The following GTF2A2 variants were observed in gnomAD, a reference collection of about 807,000 sequenced individuals.
GTF2A2 encodes the protein general transcription factor IIA subunit 2.
In GTF2A2, 9 loss-of-function variants were observed where a neutral mutation model predicts 14.3. The ratio of observed to expected loss-of-function variants is 0.63; its 90% CI spans 0.38 to 1.10. GTF2A2 has a LOEUF of 1.10. Among genes scored for constraint, GTF2A2 ranks in the 50% least tolerant of loss-of-function variants. The pLI is 0.01. For synonymous variants in GTF2A2, 56 were observed against 46.0 expected, an observed-to-expected ratio of 1.22 and a Z score of -0.88; for missense variants, 90 against 124.6, an observed-to-expected ratio of 0.72 and a Z score of 1.32.
chr15:59,649,616 C>G (rs1260504104), intron 3 of GTF2A2, among the ~76,000 whole-genome samples: 6 of 152,160 alleles, frequency 3.9e-5, no homozygotes, highest in Non-Finnish European at 7.3e-5. Context: ...TCAAATTATA[C>G]AGTCTTGAAG....
chr15:59,652,387 A>G, intron 1 of GTF2A2, 61 bp from the exon 2 acceptor site: 1 of 623,172 alleles, frequency 1.6e-6, no homozygotes, highest in Non-Finnish European at 2.8e-6. Flanking sequence ...AATTATGTAT[A>G]TAATATCATC....
chr15:59,638,515 G>C lies in GTF2A2; in HGVS notation c.*617C>G, dbSNP rs1891259232. The C allele has an allele frequency of 6.6e-6, 1 of 152,148 alleles. No individual in the cohort carries two copies. The highest frequency in any genetic ancestry group is 2.4e-5 in the African/African-American group (1 of 41,372). 9.4% of individuals were successfully genotyped at this position (152,148 alleles called of 1,614,324 possible). A position where few individuals can be genotyped will look rare whatever the true frequency, so the allele number is the denominator to read the frequency against. Reference sequence around the variant, plus strand: ...GTCATGTGGGGGGACTATTTTGTTTGGGTTTTTTTCCCCCTTCCTCATGTT... The same window carrying C: ...GTCATGTGGGGGGACTATTTTGTTTCGGTTTTTTTCCCCCTTCCTCATGTT... On this transcript the variant is annotated 3_prime_UTR_variant, in exon 5 of 5. Coordinates refer to ENST00000396060, the MANE Select transcript of GTF2A2 (RefSeq NM_004492.3).
At chr15:59,657,325 C>T (rs1416294586) in intron 1 of GTF2A2, 81 bp downstream of exon 1, 1 of 152,492 alleles carries the variant, frequency 6.6e-6, no homozygotes, top group African/African-American at 2.4e-5. Context: ...GACTACCCCA[C>T]CAACGCACTC....
At chr15:59,645,665 A>C (rs980543220) in intron 3 of GTF2A2, among the ~76,000 whole-genome samples, 5 of 152,148 alleles carry the variant, frequency 3.3e-5, no homozygotes, top group Non-Finnish European at 7.3e-5. Context: ...ACCTCTGGAA[A>C]GCTAAACAGC....
intron 3 of GTF2A2, among the ~76,000 whole-genome samples, chr15:59,646,808 TA>T (rs1333113084): frequency 1.3e-5 from 2 of 152,166 alleles, no homozygotes; most frequent in Non-Finnish European, 2.9e-5. Context: ...CAAATGTTTT[TA>T]AAAAGGTAAA....
chr15:59,656,263 C>CAAA (rs1891939727), intron 1 of GTF2A2, among the ~76,000 whole-genome samples: 1 of 152,198 alleles, frequency 6.6e-6, no homozygotes, highest in African/African-American at 2.4e-5. Context: ...GCTTTCCTAT[C>CAAA]TGCCTGAATG....
intron 3 of GTF2A2, among the ~76,000 whole-genome samples, chr15:59,648,806 C>T (rs1371771192): frequency 2.0e-5 from 3 of 151,946 alleles, no homozygotes; most frequent in South Asian, 2.1e-4. Context: ...TGGTGGCGGG[C>T]ACCTGTAGTC....
At chr15:59,655,522 C>G (rs1350115959) in intron 1 of GTF2A2, among the ~76,000 whole-genome samples, 4 of 152,214 alleles carry the variant, frequency 2.6e-5, no homozygotes, top group Non-Finnish European at 5.9e-5. Flanking sequence ...TTCGGATTGT[C>G]CTAACTCACA....
intron 4 of GTF2A2, 42 bp from the exon 5 acceptor site, chr15:59,639,199 A>G: frequency 8.2e-7 from 1 of 1,212,154 alleles, no homozygotes; most frequent in African/African-American, 1.5e-5. Flanking sequence ...AAATTCAAGG[A>G]GCAATTTAAT....
chr15:59,649,426 T>C (rs1292547575), intron 3 of GTF2A2, among the ~76,000 whole-genome samples: 1 of 152,220 alleles, frequency 6.6e-6, no homozygotes, highest in Non-Finnish European at 1.5e-5. Context: ...ACCTAGAGGA[T>C]GACTAGTTAG....
intron 4 of GTF2A2, among the ~76,000 whole-genome samples, chr15:59,641,356 A>AGTCGGAT (rs1891419780): frequency 2.0e-5 from 3 of 152,060 alleles, no homozygotes; most frequent in Non-Finnish European, 4.4e-5. Flanking sequence ...TCAGTGATTG[A>AGTCGGAT]TTGATTAGCT....
At chr15:59,642,538 G>A (rs993266733) in intron 3 of GTF2A2, among the ~76,000 whole-genome samples, 1 of 152,138 alleles carries the variant, frequency 6.6e-6, no homozygotes, top group Non-Finnish European at 1.5e-5. Flanking sequence ...ACTTGCGTTT[G>A]TATTTCTATT....
rs904478537 is a variant in GTF2A2, at chr15:59,639,122, T to G, written c.*10A>C. 7.8e-6 allele frequency: 11 copies of G among 1,415,206 alleles called. No individual in the cohort carries two copies. In the African/African-American group the frequency reaches 1.4e-4, roughly 18 times the overall value. 87.7% of individuals were successfully genotyped at this position (1,415,206 alleles called of 1,614,324 possible). A position where few individuals can be genotyped will look rare whatever the true frequency, so the allele number is the denominator to read the frequency against. On this transcript the variant is annotated 3_prime_UTR_variant, in exon 5 of 5. Transcript: ENST00000396060. Reference sequence around the variant, plus strand: ...CAGAAGATGGTGTAAAAAAGTCATATTTTTTCTATTCATTCTGTAGTATTG... The same window carrying G: ...CAGAAGATGGTGTAAAAAAGTCATAGTTTTTCTATTCATTCTGTAGTATTG...
At chr15:59,639,353 C>A (rs1335280858) in intron 4 of GTF2A2, among the ~76,000 whole-genome samples, 196 bp from the exon 5 acceptor site, 1 of 152,038 alleles carries the variant, frequency 6.6e-6, no homozygotes, top group Non-Finnish European at 1.5e-5. Flanking sequence ...AGCAGAGATA[C>A]AAAGATGCTT....
chr15:59,652,627 T>C (rs1401475731), intron 1 of GTF2A2, among the ~76,000 whole-genome samples: 3 of 152,204 alleles, frequency 2.0e-5, no homozygotes, highest in African/African-American at 4.8e-5. Context: ...GAATTTTCCA[T>C]GTACTGTCCT....
chr15:59,647,259 CT>C, intron 3 of GTF2A2, among the ~76,000 whole-genome samples: 1 of 151,888 alleles, frequency 6.6e-6, no homozygotes, highest in African/African-American at 2.4e-5. Context: ...CACCCAGCTA[CT>C]TTGTTTGTTT....
At chr15:59,640,721 AATAT>A (rs1891388841) in intron 4 of GTF2A2, among the ~76,000 whole-genome samples, 1 of 151,596 alleles carries the variant, frequency 6.6e-6, no homozygotes, top group African/African-American at 2.4e-5. Context: ...AATAAAAATA[AATAT>A]AACAAGGGTT....
chr15:59,639,099 G>C lies in GTF2A2; in HGVS notation c.*33C>G. ...TTCTCTTCAAAAGCAATGAATAACAGAAGATGGTGTAAAAAAGTCATATTT... is the reference window on the plus strand; with the variant it reads ...TTCTCTTCAAAAGCAATGAATAACACAAGATGGTGTAAAAAAGTCATATTT... On this transcript the variant is annotated 3_prime_UTR_variant, in exon 5 of 5. Coordinates refer to ENST00000396060, the MANE Select transcript of GTF2A2 (RefSeq NM_004492.3). 9 of 1,237,538 alleles carry C rather than the reference G, an allele frequency of 7.3e-6. No individual in the cohort carries two copies. Among genetic ancestry groups the C allele is most frequent in the Non-Finnish European group, 7.2e-6 (6 of 839,134 alleles). The allele number at this position is 1,237,538 out of a possible 1,614,324, so 76.7% of individuals were successfully genotyped here. A position where few individuals can be genotyped will look rare whatever the true frequency, so the allele number is the denominator to read the frequency against.
chr15:59,652,099 AATAGTCCAAGATATTTTACCTC>A (rs1891811110), intron 2 of GTF2A2, 85 bp downstream of exon 2: 1 of 683,388 alleles, frequency 1.5e-6, no homozygotes, highest in Non-Finnish European at 2.6e-6. Context: ...TGCTGGGTCA[AATAGTCCAAGATATTTTACCTC>A]ATATCTCTTT....
Sources: gnomAD v4.1 joint callset for allele counts (sites outside exome capture counted in the v4.1 genomes callset) on GRCh38, gnomAD v4.1.1 for gene constraint, MANE v1.5 for transcripts, NCBI Gene and HGNC (gene_info 2026-07-23, HGNC 2026-07-21) for gene names.